The following CDH12 variants were observed in gnomAD, a reference collection of about 807,000 sequenced individuals.
The protein encoded by CDH12 is cadherin-12.
Under a neutral mutation model 74.1 loss-of-function variants are expected in CDH12, and 41 were observed. That is an observed-to-expected ratio of 0.55 (90% CI 0.43 to 0.72). The LOEUF is 0.72. Among genes scored for constraint, CDH12 ranks in the 30% least tolerant of loss-of-function variants. The probability of loss-of-function intolerance (pLI) is 0.00; values close to 1 mark genes in which losing one functional copy is unlikely to be tolerated. For missense variants in CDH12, 945 were observed against 977.2 expected, an observed-to-expected ratio of 0.97 and a Z score of 0.44; for synonymous variants, 399 against 355.0, an observed-to-expected ratio of 1.12 and a Z score of -1.39.
intron 1 of CDH12, among the ~76,000 whole-genome samples, chr5:22,648,722 C>T (rs985463897): frequency 6.6e-6 from 1 of 151,688 alleles, no homozygotes; most frequent in Admixed American, 6.6e-5. Context: ...TTCTTTAGGA[C>T]CTGATTTTAT....
intron 1 of CDH12, among the ~76,000 whole-genome samples, chr5:22,696,713 T>G (rs1742382748): frequency 6.6e-6 from 1 of 152,224 alleles, no homozygotes; most frequent in South Asian, 2.1e-4. Flanking sequence ...GAATGGCTTC[T>G]GAAGATGTTT....
At chr5:22,662,036 C>G (rs746449888) in intron 1 of CDH12, among the ~76,000 whole-genome samples, 2 of 152,014 alleles carry the variant, frequency 1.3e-5, no homozygotes, top group Non-Finnish European at 2.9e-5. Context: ...TTTGAAAAAA[C>G]TTGAAAAGCA....
At chr5:22,463,814 G>T (rs1461407858) in intron 2 of CDH12, among the ~76,000 whole-genome samples, 1 of 151,888 alleles carries the variant, frequency 6.6e-6, no homozygotes, top group Non-Finnish European at 1.5e-5. Flanking sequence ...ATAATCAAAA[G>T]GGCAGATAAT....
intron 1 of CDH12, among the ~76,000 whole-genome samples, chr5:22,835,404 G>A (rs1736778013): frequency 6.6e-6 from 1 of 152,124 alleles, no homozygotes; most frequent in Admixed American, 6.6e-5. Context: ...TATTTCAAAT[G>A]TGTCCTCCAT....
At chr5:22,528,196 G>A (rs928628229) in intron 1 of CDH12, among the ~76,000 whole-genome samples, 6 of 152,056 alleles carry the variant, frequency 3.9e-5, no homozygotes, top group African/African-American at 1.4e-4. Flanking sequence ...CAACTGCTTC[G>A]GGGGAAGCTA....
At chr5:22,164,430 C>T (rs1330509723) in intron 4 of CDH12, among the ~76,000 whole-genome samples, 1 of 152,202 alleles carries the variant, frequency 6.6e-6, no homozygotes, top group African/African-American at 2.4e-5. Context: ...ATCAGGAGCA[C>T]AGCAGGCACC....
intron 2 of CDH12, among the ~76,000 whole-genome samples, chr5:22,458,355 A>G (rs189906122): frequency 6.6e-6 from 1 of 152,226 alleles, no homozygotes; most frequent in East Asian, 1.9e-4. Context: ...ATCCCATCCT[A>G]AAAAAACTCA....
intron 2 of CDH12, among the ~76,000 whole-genome samples, chr5:22,492,398 A>G (rs1300285956): frequency 1.3e-5 from 2 of 149,900 alleles, no homozygotes; most frequent in African/African-American, 4.9e-5. Flanking sequence ...CCCAGGCAGG[A>G]GTGCAATGGT....
At chr5:22,776,430 T>C (rs985020990) in intron 1 of CDH12, among the ~76,000 whole-genome samples, 1 of 152,276 alleles carries the variant, frequency 6.6e-6, no homozygotes, top group South Asian at 2.1e-4. Flanking sequence ...TGCGTGTGTG[T>C]ATGTGTGTGC....
At chr5:22,812,214 G>A (rs536499512) in intron 1 of CDH12, among the ~76,000 whole-genome samples, 4 of 152,184 alleles carry the variant, frequency 2.6e-5, no homozygotes, top group African/African-American at 7.2e-5. Context: ...TAAAAGCTGA[G>A]GCTCTCCGCT....
chr5:22,471,622 C>T (rs1478570680), intron 2 of CDH12, among the ~76,000 whole-genome samples: 1 of 152,046 alleles, frequency 6.6e-6, no homozygotes, highest in Non-Finnish European at 1.5e-5. Flanking sequence ...TGGTCATTTC[C>T]TCTGGAATAA....
At chr5:22,602,365 A>C (rs1242943042) in intron 1 of CDH12, among the ~76,000 whole-genome samples, 1 of 152,170 alleles carries the variant, frequency 6.6e-6, no homozygotes, top group East Asian at 1.9e-4. Flanking sequence ...GCATTTCAGA[A>C]TAATCCAGCA....
intron 1 of CDH12, among the ~76,000 whole-genome samples, chr5:22,549,516 T>C (rs1295876906): frequency 6.6e-6 from 1 of 152,178 alleles, no homozygotes; most frequent in Non-Finnish European, 1.5e-5. Context: ...AGAGCTATTT[T>C]GTTTCTGAGT....
chr5:21,871,564 T>C (rs1024766627), intron 6 of CDH12, among the ~76,000 whole-genome samples: 1 of 151,946 alleles, frequency 6.6e-6, no homozygotes, highest in Non-Finnish European at 1.5e-5. Context: ...GAAACCCCTC[T>C]CTACTAAAAA....
chr5:21,813,318 A>C (rs1050616748), intron 9 of CDH12, among the ~76,000 whole-genome samples: 1 of 152,070 alleles, frequency 6.6e-6, no homozygotes, highest in Non-Finnish European at 1.5e-5. Flanking sequence ...TTCTCTACTA[A>C]AAATACAAAA....
At chr5:22,079,119 G>A (rs1742541258) in intron 4 of CDH12, among the ~76,000 whole-genome samples, 1 of 152,120 alleles carries the variant, frequency 6.6e-6, no homozygotes, top group Admixed American at 6.6e-5. Flanking sequence ...CAAAAAATTG[G>A]CAAATCATTT....
intron 3 of CDH12, among the ~76,000 whole-genome samples, chr5:22,374,377 G>A (rs1257156212): frequency 3.3e-5 from 5 of 152,072 alleles, no homozygotes; most frequent in Non-Finnish European, 7.4e-5. Context: ...AAAGCTGAAA[G>A]CCTTTCTTTT....
Position 22,591,662 on chromosome 5 carries a change from T to C in CDH12, c.-522-86298A>G, listed in dbSNP as rs780012797. On this transcript the variant is annotated intron_variant, in intron 1 of 14. Coordinates refer to ENST00000382254, the MANE Select transcript of CDH12 (RefSeq NM_004061.5). ...TAGTTTCCAGAACATCACTGCCCTATTGGAGTCACTGTCCCCAGCTGTCCC... is the reference window on the plus strand; with the variant it reads ...TAGTTTCCAGAACATCACTGCCCTACTGGAGTCACTGTCCCCAGCTGTCCC... Among the ~76,000 whole-genome samples the C allele has an allele frequency of 7.2e-5, 11 of 152,156 alleles. 1 individual carries two copies. Among genetic ancestry groups the C allele is most frequent in the African/African-American group, 2.4e-4 (10 of 41,448 alleles).
intron 5 of CDH12, among the ~76,000 whole-genome samples, chr5:22,004,104 G>A (rs1736782711): frequency 6.6e-6 from 1 of 152,148 alleles, no homozygotes; most frequent in Non-Finnish European, 1.5e-5. Context: ...ATCAGTGAAT[G>A]AGAATACAAA....
Sources: gnomAD v4.1 joint callset for allele counts (sites outside exome capture counted in the v4.1 genomes callset) on GRCh38, gnomAD v4.1.1 for gene constraint, MANE v1.5 for transcripts, NCBI Gene and HGNC (gene_info 2026-07-23, HGNC 2026-07-21) for gene names.